Variants in KCMF1 observed in about 807,000 individuals in gnomAD.
KCMF1 encodes E3 ubiquitin-protein ligase KCMF1.
Under a neutral mutation model 41.1 loss-of-function variants are expected in KCMF1, and 3 were observed. The ratio of observed to expected loss-of-function variants is 0.07; its 90% confidence interval spans 0.03 to 0.19. The LOEUF is 0.19. KCMF1 is among the 10% of genes least tolerant of loss of function. The pLI is 1.00. For synonymous variants in KCMF1, 142 were observed against 164.5 expected (o/e 0.86, Z 1.04); for missense variants, 286 against 488.9 (o/e 0.58, Z 3.91).
In KCMF1 at chr2:85,026,294, T is replaced by TTTA. The variant is rs1282331689; in HGVS notation, c.17-1594_17-1592dup. 9.9e-5 allele frequency among the ~76,000 whole-genome samples: 15 copies of TTTA among 151,376 alleles called. 1 individual carries two copies. In the South Asian group the frequency reaches 2.5e-3, roughly 25 times the overall value. On this transcript the variant is annotated intron_variant, in intron 1 of 6. Transcript: ENST00000409785. ...GCGTGAGCCACTGCGCCTGGCATAT[T>TTTA]TTAACTTTTTTTTTTTTAAACAAAT...
chr2:84,998,818 G>C (rs953196406), intron 1 of KCMF1, among the ~76,000 whole-genome samples: 1 of 150,806 alleles, frequency 6.6e-6, no homozygotes. Flanking sequence ...CACCATGTTG[G>C]TCAGGCTGGT....
chr2:85,021,362 G>A (rs998280031), intron 1 of KCMF1, among the ~76,000 whole-genome samples: 1 of 152,180 alleles, frequency 6.6e-6, no homozygotes, highest in South Asian at 2.1e-4. Context: ...GGTGGCTCAC[G>A]CGTGTAATCC....
chr2:85,004,135 A>C (rs1674406536), intron 1 of KCMF1, among the ~76,000 whole-genome samples: 7 of 152,248 alleles, frequency 4.6e-5, no homozygotes, highest in Admixed American at 3.3e-4. Context: ...GGTAGTTTAA[A>C]ACTTATGAAT....
chr2:84,977,632 A>G (rs1208070057), intron 1 of KCMF1, among the ~76,000 whole-genome samples: 3 of 150,262 alleles, frequency 2.0e-5, no homozygotes, highest in Non-Finnish European at 4.4e-5. Flanking sequence ...AGTATTGCCT[A>G]GGCTGGTCTC....
chr2:85,043,772 ACTC>A (rs1675598976), intron 4 of KCMF1, 107 bp downstream of exon 4: 1 of 758,264 alleles, frequency 1.3e-6, no homozygotes, highest in African/African-American at 1.7e-5. Context: ...CTGGTCTCAA[ACTC>A]CTGAGCTCAA....
intron 1 of KCMF1, among the ~76,000 whole-genome samples, chr2:84,978,026 T>A (rs1673594188): frequency 6.6e-6 from 1 of 151,688 alleles, no homozygotes; most frequent in Admixed American, 6.6e-5. Context: ...TTTTCTTTCC[T>A]CGCTCTTGTT....
intron 2 of KCMF1, 66 bp downstream of exon 2, chr2:85,028,122 C>T: frequency 9.6e-7 from 1 of 1,042,030 alleles, no homozygotes. Context: ...GAAGTAAAGG[C>T]AAAGTGTTCT....
At position 85,056,389 on chromosome 2, in the gene KCMF1, C is replaced by T. The variant is rs1429944766; in HGVS notation, c.*2980C>T. 6.6e-6 allele frequency: 1 copy of T among 151,984 alleles called. No individual in the cohort carries two copies. Among genetic ancestry groups the T allele is most frequent in the African/African-American group, 2.4e-5 (1 of 41,360 alleles). 9.4% of individuals were successfully genotyped at this position (151,984 alleles called of 1,614,324 possible). On this transcript the variant is annotated 3_prime_UTR_variant, in exon 7 of 7. Transcript: ENST00000409785. ...TCACCAAGGCTTTTGTGTTTTTTTC[C>T]GGTCTGTGGGCCACAGTTAAAAGAA...
chr2:85,008,340 G>GATATACA (rs1674547200), intron 1 of KCMF1, among the ~76,000 whole-genome samples: 1 of 27,320 alleles, frequency 3.7e-5, no homozygotes, highest in Non-Finnish European at 7.3e-5. Flanking sequence ...TATATAATAT[G>GATATACA]ATATATAATA....
intron 1 of KCMF1, among the ~76,000 whole-genome samples, chr2:84,981,507 T>C (rs2103966088): frequency 6.6e-6 from 1 of 152,154 alleles, no homozygotes; most frequent in African/African-American, 2.4e-5. Context: ...TGAATTTTAA[T>C]GTTTTTTTAA....
At chr2:85,028,791 C>T (rs561034379) in intron 2 of KCMF1, among the ~76,000 whole-genome samples, 1 of 151,868 alleles carries the variant, frequency 6.6e-6, no homozygotes, top group East Asian at 2.0e-4. Context: ...CCCGGCCTTA[C>T]TTTTTACGTA....
chr2:85,021,200 GTTGTC>G (rs1211035257), intron 1 of KCMF1, among the ~76,000 whole-genome samples: 22 of 152,144 alleles, frequency 1.4e-4, no homozygotes, highest in Admixed American at 5.9e-4. Context: ...CCATCATTTG[GTTGTC>G]TTAAGTTGAT....
rs778319062 is a variant in KCMF1 at position 85,049,557 on chromosome 2, A to G, written c.793A>G (p.Thr265Ala). ...TRRTNTSSVT[T>A]TITQSTATTN... ...GCGTACTAACACAAGCAGTGTCACC[A>G]CTACAATCACACAATCCACAGCAAC... Residue 265 changes from threonine (T) to alanine (A), a missense_variant, in exon 6 of 7, where the codon ACT becomes GCT. Physicochemically the swap from Thr to Ala is moderately conservative, Grantham distance 58 (BLOSUM62 0). Transcript: ENST00000409785. 21 of 1,614,020 alleles carry G rather than the reference A, an allele frequency of 1.3e-5. No homozygotes were observed. In the East Asian group the frequency reaches 4.5e-4, roughly 34 times the overall value.
intron 1 of KCMF1, among the ~76,000 whole-genome samples, chr2:85,025,879 C>T (rs1421460135): frequency 6.6e-6 from 1 of 152,132 alleles, no homozygotes; most frequent in Admixed American, 6.6e-5. Context: ...TATCTAACAG[C>T]TTTGCTTACT....
intron 1 of KCMF1, among the ~76,000 whole-genome samples, chr2:85,004,827 A>G (rs943386124): frequency 3.3e-5 from 5 of 151,706 alleles, no homozygotes; most frequent in Admixed American, 2.6e-4. Flanking sequence ...CTGTAGGCCT[A>G]TTTATTTATT....
chr2:84,982,669 G>A (rs1233301934), intron 1 of KCMF1, among the ~76,000 whole-genome samples: 2 of 152,046 alleles, frequency 1.3e-5, no homozygotes, highest in Non-Finnish European at 2.9e-5. Context: ...AAAGTGCTAG[G>A]ATTACAGGCT....
intron 1 of KCMF1, among the ~76,000 whole-genome samples, chr2:85,025,942 A>G (rs867812687): frequency 6.6e-6 from 1 of 152,082 alleles, no homozygotes. Context: ...AGCAGATCAC[A>G]TGTGAATAAA....
At chr2:85,014,987 T>A (rs751801770) in intron 1 of KCMF1, among the ~76,000 whole-genome samples, 11 of 151,818 alleles carry the variant, frequency 7.2e-5, no homozygotes, top group Non-Finnish European at 2.9e-5. Flanking sequence ...TACTTTTTTC[T>A]CCTGTAGAAA....
In KCMF1 at chr2:85,015,153, CAAAAAAAAAAA is replaced by C. The variant is rs34773304; in HGVS notation, c.17-12723_17-12713del. On this transcript the variant is annotated intron_variant, in intron 1 of 6. Coordinates refer to ENST00000409785, the MANE Select transcript of KCMF1 (RefSeq NM_020122.5). Reference sequence around the variant, plus strand: ...TGGGCGACAGAGTGAGACTCCATCTCAAAAAAAAAAAAAAAAAAAAAAAGTCTGTTATAGAC... The same window carrying C: ...TGGGCGACAGAGTGAGACTCCATCTCAAAAAAAAAAAAGTCTGTTATAGAC... 6.1e-5 allele frequency among the ~76,000 whole-genome samples: 3 copies of C among 49,038 alleles called. No homozygotes were observed. In the East Asian group the frequency reaches 1.5e-3, roughly 24 times the overall value. 32.2% of individuals were successfully genotyped at this position (49,038 alleles called of 152,430 possible). A position where few individuals can be genotyped will look rare whatever the true frequency, so the allele number is the denominator to read the frequency against.
Sources: gnomAD v4.1 joint callset for allele counts (sites outside exome capture counted in the v4.1 genomes callset) on GRCh38, gnomAD v4.1.1 for gene constraint, MANE v1.5 for transcripts, NCBI Gene and HGNC (gene_info 2026-07-23, HGNC 2026-07-21) for gene names.